The following OPCML variants were observed in gnomAD, a reference collection of about 807,000 sequenced individuals.
The protein encoded by OPCML is opioid-binding protein/cell adhesion molecule.
In OPCML, 13 loss-of-function variants were observed where a neutral mutation model predicts 37.8. The ratio of observed to expected loss-of-function variants is 0.34; its 90% CI spans 0.22 to 0.55. The LOEUF is 0.55. OPCML is among the 20% of genes least tolerant of loss of function. The pLI is 0.91. For missense variants in OPCML, 341 were observed against 435.6 expected (o/e 0.78, Z 1.93); for synonymous variants, 176 against 168.8 (o/e 1.04, Z -0.33).
intron 1 of OPCML, among the ~76,000 whole-genome samples, chr11:133,250,789 T>G (rs1941106442): frequency 6.6e-6 from 1 of 152,160 alleles, no homozygotes; most frequent in Non-Finnish European, 1.5e-5. Context: ...CAAAAAATTT[T>G]AAGAGCAAAG....
chr11:132,702,051 A>G (rs374561780), intron 2 of OPCML, among the ~76,000 whole-genome samples: 3 of 152,154 alleles, frequency 2.0e-5, no homozygotes, highest in East Asian at 3.9e-4. Context: ...AATTATTTTT[A>G]ATAATCTTGT....
At chr11:132,495,126 T>C (rs1348731725) in intron 4 of OPCML, among the ~76,000 whole-genome samples, 1 of 152,194 alleles carries the variant, frequency 6.6e-6, no homozygotes, top group Non-Finnish European at 1.5e-5. Context: ...ACTTAGATTA[T>C]TCTAATTCAT....
chr11:133,098,137 C>T (rs562955257), intron 1 of OPCML, among the ~76,000 whole-genome samples: 16 of 152,060 alleles, frequency 1.1e-4, no homozygotes, highest in African/African-American at 3.9e-4. Context: ...TTAGCAAATT[C>T]AGTCCAACAA....
intron 1 of OPCML, among the ~76,000 whole-genome samples, chr11:133,455,934 A>G (rs1196100637): frequency 6.6e-6 from 1 of 152,150 alleles, no homozygotes; most frequent in Non-Finnish European, 1.5e-5. Flanking sequence ...CCTAATTCCT[A>G]GTTTCCTCCC....
At chr11:132,877,382 A>G (rs1408087821) in intron 2 of OPCML, among the ~76,000 whole-genome samples, 1 of 152,208 alleles carries the variant, frequency 6.6e-6, no homozygotes, top group Non-Finnish European at 1.5e-5. Flanking sequence ...CATGGTATCA[A>G]TAAACTTATC....
chr11:133,348,390 G>A (rs961479267), intron 1 of OPCML, among the ~76,000 whole-genome samples: 1 of 152,196 alleles, frequency 6.6e-6, no homozygotes, highest in Non-Finnish European at 1.5e-5. Flanking sequence ...CTGCGTAAAT[G>A]TTTGATAGGG....
chr11:133,290,249 G>A (rs1592171516), intron 1 of OPCML, among the ~76,000 whole-genome samples: 1 of 151,964 alleles, frequency 6.6e-6, no homozygotes, highest in East Asian at 1.9e-4. Context: ...AGAGGGTAGG[G>A]CAGCCAATGA....
intron 4 of OPCML, among the ~76,000 whole-genome samples, chr11:132,440,552 T>A (rs2136769017): frequency 6.6e-6 from 1 of 152,228 alleles, no homozygotes; most frequent in South Asian, 2.1e-4. Context: ...GAAAATATAC[T>A]AAGAGCCCCT....
chr11:132,551,096 A>G (rs982162042), intron 3 of OPCML, among the ~76,000 whole-genome samples: 1 of 152,134 alleles, frequency 6.6e-6, no homozygotes, highest in Non-Finnish European at 1.5e-5. Context: ...GCAGCACAAA[A>G]TAGAGTTCTG....
chr11:133,025,577 T>C, intron 1 of OPCML: 2 of 557,012 alleles, frequency 3.6e-6, no homozygotes, highest in Non-Finnish European at 4.6e-6. Context: ...ATTTCTTTTC[T>C]TATTATTTTA....
At chr11:132,799,096 C>T (rs1938495879) in intron 2 of OPCML, among the ~76,000 whole-genome samples, 1 of 152,140 alleles carries the variant, frequency 6.6e-6, no homozygotes, top group South Asian at 2.1e-4. Context: ...TGCATTAGCC[C>T]CTAACAAGAG....
rs190802129 is a variant in OPCML at position 132,869,185 on chromosome 11, G to A, written c.146+73741C>T. Among the ~76,000 whole-genome samples the A allele has an allele frequency of 9.0e-3, 1,369 of 152,240 alleles. 81 individuals carry two copies. The highest frequency in any genetic ancestry group is 2.0e-3 in the Non-Finnish European group (137 of 68,008). On this transcript the variant is annotated intron_variant, in intron 2 of 7. Transcript: ENST00000524381. ...CCCCATGGGGCTAGCATGAAGAATC[G>A]AAGGAGTTTATCAGACTGGATTCCT...
At chr11:132,850,342 C>T (rs1432579088) in intron 2 of OPCML, among the ~76,000 whole-genome samples, 1 of 152,176 alleles carries the variant, frequency 6.6e-6, no homozygotes, top group Non-Finnish European at 1.5e-5. Context: ...AGATCAATCC[C>T]CCTTTGCCCA....
intron 1 of OPCML, among the ~76,000 whole-genome samples, chr11:133,358,243 T>C (rs1320392750): frequency 6.6e-6 from 1 of 152,244 alleles, no homozygotes; most frequent in East Asian, 1.9e-4. Context: ...CACTGTCTTG[T>C]CATCACTTGT....
chr11:133,186,670 T>C (rs1408090068), intron 1 of OPCML, among the ~76,000 whole-genome samples: 1 of 152,202 alleles, frequency 6.6e-6, no homozygotes. Flanking sequence ...ATGTATATTA[T>C]GCACAGGTGT....
At chr11:132,514,663 A>C in intron 4 of OPCML, among the ~76,000 whole-genome samples, 1 of 152,106 alleles carries the variant, frequency 6.6e-6, no homozygotes, top group East Asian at 1.9e-4. Context: ...TTTTTTGCCA[A>C]ACTGCCTTTG....
chr11:132,955,382 C>T (rs1409011636), intron 1 of OPCML, among the ~76,000 whole-genome samples: 1 of 152,120 alleles, frequency 6.6e-6, no homozygotes, highest in Admixed American at 6.5e-5. Flanking sequence ...CAGATGCAGA[C>T]CAACCAACCA....
rs528421748 is a variant in OPCML at position 132,870,518 on chromosome 11, G to A, written c.146+72408C>T. Among the ~76,000 whole-genome samples the A allele has an allele frequency of 9.9e-4, 151 of 151,944 alleles. 1 individual carries two copies. Among genetic ancestry groups the A allele is most frequent in the South Asian group, 5.2e-3 (25 of 4,790 alleles). ...TCAAATTAAAAAAAATAAAAATGGC[G>A]CCACCCTATGATCCAGCAATCCCAT... is the stretch of plus-strand genomic sequence containing the variant. On this transcript the variant is annotated intron_variant, in intron 2 of 7. Coordinates refer to ENST00000524381, the MANE Select transcript of OPCML (RefSeq NM_001012393.5).
rs975485901 is a variant in OPCML at position 133,211,185 on chromosome 11, A to C, written c.62-268175T>G. 9.2e-5 allele frequency among the ~76,000 whole-genome samples: 14 copies of C among 151,906 alleles called. No individual in the cohort carries two copies. Among genetic ancestry groups the C allele is most frequent in the African/African-American group, 2.9e-4 (12 of 41,352 alleles). ...ATATTTCTGCAAATTCTGATGATTT[A>C]ATGTACTCATTTCCCTCAGGTTCTG... On this transcript the variant is annotated intron_variant, in intron 1 of 7. Transcript: ENST00000524381. The surrounding 1 kb of genome is among the most constrained non-coding windows in gnomAD (Gnocchi z 4.1).
Sources: allele counts gnomAD v4.1 joint callset (sites outside exome capture counted in the v4.1 genomes callset), GRCh38; gene constraint gnomAD v4.1.1; non-coding constraint Gnocchi (gnomAD v3.1); transcripts MANE v1.5; gene names NCBI Gene and HGNC (gene_info 2026-07-23, HGNC 2026-07-21).